LRRK2: variants seen among roughly 807,000 people sequenced by gnomAD.
LRRK2 encodes the protein leucine rich repeat kinase 2, also known as leucine-rich repeat serine/threonine-protein kinase 2.
LRRK2 carries 203 observed loss-of-function variants against 302.6 expected under a neutral mutation model. The observed-to-expected ratio is 0.67, with a 90% CI of 0.60 to 0.75. LRRK2 has a LOEUF of 0.75. LRRK2 is among the 30% of genes least tolerant of loss of function. The pLI is 0.00. For missense variants in LRRK2, 2,830 were observed against 2,951.0 expected (o/e 0.96, Z 0.95); for synonymous variants, 1,066 against 1,031.9 (o/e 1.03, Z -0.63).
chr12:40,266,450 A>T (rs1487916349), intron 14 of LRRK2, among the ~76,000 whole-genome samples: 1 of 152,214 alleles, frequency 6.6e-6, no homozygotes, highest in African/African-American at 2.4e-5. Context: ...AACCACAATG[A>T]TATACCATCT....
intron 41 of LRRK2, among the ~76,000 whole-genome samples, chr12:40,344,966 CA>C: frequency 6.6e-6 from 1 of 152,188 alleles, no homozygotes; most frequent in African/African-American, 2.4e-5. Flanking sequence ...TTATCATACT[CA>C]AATTCGATGT....
rs758135570 is a variant in LRRK2 at position 40,302,932 on chromosome 12, CCT to C, written c.3590+51_3590+52del. The C allele has an allele frequency of 9.9e-6, 12 of 1,211,374 alleles. No homozygotes were observed. The African/African-American group carries it at 1.5e-4, about 15-fold the overall frequency. 75.0% of individuals were successfully genotyped at this position (1,211,374 alleles called of 1,614,324 possible). A position where few individuals can be genotyped will look rare whatever the true frequency, so the allele number is the denominator to read the frequency against. On this transcript the variant is annotated intron_variant, in intron 26 of 50. Transcript: ENST00000298910. The stretch of plus-strand genomic sequence containing the variant: ...TAAAAGCACATTAGCTGGAACAGAA[CCT>C]TTAGAAACATGATTTCGATTTAGTC...
intron 7 of LRRK2, among the ~76,000 whole-genome samples, chr12:40,244,731 T>A (rs1303456861): frequency 1.1e-5 from 1 of 90,394 alleles, no homozygotes; most frequent in African/African-American, 4.4e-5. Flanking sequence ...TGGGGACTGT[T>A]GTGGGGTGGG....
chr12:40,249,165 A>T (rs1052675442), intron 7 of LRRK2, among the ~76,000 whole-genome samples: 1 of 152,178 alleles, frequency 6.6e-6, no homozygotes, highest in Non-Finnish European at 1.5e-5. Flanking sequence ...GTTACAAATA[A>T]GCCAAATAGA....
intron 19 of LRRK2, chr12:40,286,290 TC>T (rs1565713477): frequency 6.6e-6 from 1 of 152,056 alleles, no homozygotes; most frequent in Non-Finnish European, 1.5e-5. Flanking sequence ...GTGTGTGAGC[TC>T]ATCCTACCGG....
At chr12:40,239,038 TCTG>T (rs1432024560) in intron 5 of LRRK2, among the ~76,000 whole-genome samples, 1 of 152,150 alleles carries the variant, frequency 6.6e-6, no homozygotes, top group Middle Eastern at 3.2e-3. Context: ...TTGCTTCCTA[TCTG>T]ACAAAGAAAA....
intron 10 of LRRK2, 120 bp downstream of exon 10, chr12:40,251,664 T>C: frequency 1.2e-6 from 1 of 867,782 alleles, no homozygotes; most frequent in South Asian, 1.6e-5. Context: ...CATTTAGTTT[T>C]AGATGTTGCT....
chr12:40,226,480 T>G (rs1196213615), intron 2 of LRRK2, among the ~76,000 whole-genome samples: 2 of 152,220 alleles, frequency 1.3e-5, no homozygotes, highest in Non-Finnish European at 2.9e-5. Context: ...TGTTTCTTAA[T>G]GGTTGAGAGG....
intron 47 of LRRK2, 105 bp from the exon 48 acceptor site, chr12:40,363,297 C>CA (rs1406263092): frequency 2.1e-6 from 2 of 972,684 alleles, no homozygotes; most frequent in East Asian, 5.2e-5. Flanking sequence ...GTTTAGTTTT[C>CA]AAAATAGTGT....
intron 2 of LRRK2, among the ~76,000 whole-genome samples, chr12:40,226,760 G>A (rs1424213324): frequency 6.6e-6 from 1 of 152,180 alleles, no homozygotes; most frequent in African/African-American, 2.4e-5. Context: ...ACTCAAAGTC[G>A]GAATTTTGCC....
At position 40,232,255 on chromosome 12, in the gene LRRK2, A is replaced by T; in HGVS notation, c.238-19A>T. 1 of 1,543,160 alleles carries T rather than the reference A, an allele frequency of 6.5e-7. No individual in the cohort carries two copies. The highest frequency in any genetic ancestry group is 1.4e-5 in the African/African-American group (1 of 73,524). ...AACATTCTTTAAAACATGTGAATAT[A>T]TGTCTTTCTTGTTTTCAGGTGGGTT... is the stretch of plus-strand genomic sequence containing the variant. On this transcript the variant is annotated intron_variant, in intron 2 of 50. Transcript: ENST00000298910.
intron 20 of LRRK2, among the ~76,000 whole-genome samples, chr12:40,288,835 A>G (rs1944032196): frequency 6.6e-6 from 1 of 151,776 alleles, no homozygotes; most frequent in South Asian, 2.1e-4. Flanking sequence ...TATGTATTGC[A>G]TATTTTTTTC....
At chr12:40,333,238 A>G (rs17491410) in intron 39 of LRRK2, among the ~76,000 whole-genome samples, 2,129 of 152,200 alleles carry the variant, frequency 0.014, 44 homozygotes, top group African/African-American at 0.049. Flanking sequence ...AAATATGATC[A>G]CAGTCTGAAG....
chr12:40,335,222 T>C, intron 40 of LRRK2, 65 bp downstream of exon 40: 1 of 1,523,328 alleles, frequency 6.6e-7, no homozygotes, highest in Non-Finnish European at 9.1e-7. Context: ...GCTCTCAGGT[T>C]CTGAGAACAC....
At chr12:40,267,217 T>C (rs1943056623) in intron 14 of LRRK2, among the ~76,000 whole-genome samples, 1 of 152,170 alleles carries the variant, frequency 6.6e-6, no homozygotes, top group Non-Finnish European at 1.5e-5. Context: ...ACAATGCAAA[T>C]GCTGAAACTT....
At chr12:40,356,593 A>G (rs1401917549) in intron 46 of LRRK2, among the ~76,000 whole-genome samples, 1 of 152,120 alleles carries the variant, frequency 6.6e-6, no homozygotes, top group Admixed American at 6.5e-5. Context: ...TCAGATTCCT[A>G]TTTAGTCATT....
rs533411454 is a variant in LRRK2 at position 40,237,680 on chromosome 12, T to G, written c.437-289T>G. Among the ~76,000 whole-genome samples, 4 of 152,252 alleles carry G rather than the reference T, an allele frequency of 2.6e-5. No homozygotes were observed. In the South Asian group the frequency reaches 8.3e-4, roughly 32 times the overall value. ...TTGTCTAAGAGGCATAAGAATGTAT[T>G]TCAGATGTTTGGGGCAAGTTGTCTA... On this transcript the variant is annotated intron_variant, in intron 4 of 50. Transcript: ENST00000298910.
Position 40,293,530 on chromosome 12 carries a change from T to C in LRRK2, c.2690-15T>C. ...TTGTATTCACCTTCATGTTATTTTA[T>C]CATTTTCAAAATAGGAAGTGAAGGC... On this transcript the variant is annotated splice_polypyrimidine_tract_variant and intron_variant, in intron 20 of 50. Coordinates refer to ENST00000298910, the MANE Select transcript of LRRK2 (RefSeq NM_198578.4). The C allele has an allele frequency of 6.7e-7, 1 of 1,489,798 alleles. No individual in the cohort carries two copies. Among genetic ancestry groups the C allele is most frequent in the Non-Finnish European group, 9.3e-7 (1 of 1,070,740 alleles). The allele number at this position is 1,489,798 out of a possible 1,614,324, so 92.3% of individuals were successfully genotyped here.
At chr12:40,329,733 T>G (rs753592879) in intron 39 of LRRK2, among the ~76,000 whole-genome samples, 2 of 152,110 alleles carry the variant, frequency 1.3e-5, no homozygotes, top group African/African-American at 4.8e-5. Flanking sequence ...ATTTTTACCC[T>G]GATTTAAAAA....
Sources: allele counts gnomAD v4.1 joint callset (sites outside exome capture counted in the v4.1 genomes callset), GRCh38; gene constraint gnomAD v4.1.1; transcripts MANE v1.5; gene names NCBI Gene and HGNC (gene_info 2026-07-23, HGNC 2026-07-21).